The following ASIC2 variants were observed in gnomAD, a reference collection of about 807,000 sequenced individuals.
ASIC2 encodes the protein acid sensing ion channel subunit 2.
A neutral mutation model predicts 57.3 loss-of-function variants in ASIC2; 25 were observed. That is an observed-to-expected ratio of 0.44 (90% CI 0.32 to 0.61). The LOEUF is 0.61. Ranked by LOEUF, ASIC2 falls within the 20% of genes least tolerant of loss-of-function variation. The pLI, the probability that ASIC2 is intolerant of heterozygous loss-of-function variation, is 0.06. For synonymous variants in ASIC2, 319 were observed against 307.5 expected, an observed-to-expected ratio of 1.04 and a Z score of -0.39; for missense variants, 641 against 738.1, an observed-to-expected ratio of 0.87 and a Z score of 1.52.
chr17:33,250,534 G>A (rs566960632), intron 1 of ASIC2, among the ~76,000 whole-genome samples: 23 of 152,332 alleles, frequency 1.5e-4, no homozygotes, highest in Non-Finnish European at 2.8e-4. Flanking sequence ...CAGTCCTGCC[G>A]CGCTTATCCC....
chr17:33,542,539 G>A (rs1915445693), intron 1 of ASIC2, among the ~76,000 whole-genome samples: 1 of 109,078 alleles, frequency 9.2e-6, no homozygotes, highest in Middle Eastern at 3.9e-3. Context: ...CTGCATAAAT[G>A]TCTTCTTTTG....
At chr17:33,484,521 A>G (rs1473931837) in intron 1 of ASIC2, among the ~76,000 whole-genome samples, 2 of 152,252 alleles carry the variant, frequency 1.3e-5, no homozygotes, top group Non-Finnish European at 2.9e-5. Flanking sequence ...CTTCAACCCA[A>G]TATATTCAAA....
chr17:34,066,961 C>G, intron 1 of ASIC2, among the ~76,000 whole-genome samples: 1 of 152,210 alleles, frequency 6.6e-6, no homozygotes, highest in East Asian at 1.9e-4. Flanking sequence ...AACCTCAAAT[C>G]TGAGAGAACT....
chr17:33,278,248 T>A (rs1904787627), intron 1 of ASIC2, among the ~76,000 whole-genome samples: 1 of 151,852 alleles, frequency 6.6e-6, no homozygotes, highest in Non-Finnish European at 1.5e-5. Flanking sequence ...GGAAGGAGTC[T>A]TGTTCATTTA....
intron 1 of ASIC2, among the ~76,000 whole-genome samples, chr17:33,170,749 T>C (rs372478758): frequency 6.2e-4 from 95 of 152,358 alleles, no homozygotes; most frequent in African/African-American, 2.2e-3. Flanking sequence ...CATAAAAGAC[T>C]AAAGACCAGG....
At position 33,747,792 on chromosome 17, in the gene ASIC2, C is replaced by G. The variant is rs1287107510; in HGVS notation, c.555+408186G>C. Among the ~76,000 whole-genome samples the G allele has an allele frequency of 2.0e-5, 3 of 152,196 alleles. No homozygotes were observed. In the East Asian group the frequency reaches 5.8e-4, roughly 29 times the overall value. ...GGACTAAACCTCCCTCCCCTTCTTC[C>G]CCAGGTCTGCAGGGTCCTCAGGACA... On this transcript the variant is annotated intron_variant, in intron 1 of 9. Transcript: ENST00000359872.
At chr17:33,369,791 T>C (rs1272903043) in intron 1 of ASIC2, among the ~76,000 whole-genome samples, 1 of 152,222 alleles carries the variant, frequency 6.6e-6, no homozygotes, top group African/African-American at 2.4e-5. Flanking sequence ...GCATGATTAC[T>C]ATTAGTGCTG....
intron 1 of ASIC2, among the ~76,000 whole-genome samples, chr17:33,608,026 C>T (rs1377034263): frequency 6.6e-6 from 1 of 152,082 alleles, no homozygotes. Flanking sequence ...CTCCATGCAA[C>T]CTAACGGACA....
At chr17:33,327,002 A>T (rs1260735110) in intron 1 of ASIC2, among the ~76,000 whole-genome samples, 2 of 152,202 alleles carry the variant, frequency 1.3e-5, no homozygotes, top group African/African-American at 4.8e-5. Context: ...TATATAAGAA[A>T]GCCTAGACCT....
intron 1 of ASIC2, among the ~76,000 whole-genome samples, chr17:33,896,740 A>G (rs1279233026): frequency 6.6e-6 from 1 of 152,276 alleles, no homozygotes; most frequent in Non-Finnish European, 1.5e-5. Context: ...ACCTGTGTGT[A>G]GCATTTATGA....
At chr17:33,945,409 G>A (rs939635250) in intron 1 of ASIC2, among the ~76,000 whole-genome samples, 6 of 152,012 alleles carry the variant, frequency 3.9e-5, no homozygotes, top group African/African-American at 1.4e-4. Flanking sequence ...ATGGAACAAG[G>A]AGGCATAATT....
At chr17:33,420,284 T>C (rs1351066095) in intron 1 of ASIC2, among the ~76,000 whole-genome samples, 1 of 152,242 alleles carries the variant, frequency 6.6e-6, no homozygotes, top group Non-Finnish European at 1.5e-5. Context: ...GGAAATGTAC[T>C]GTCCAGATGG....
chr17:33,111,919 G>C lies in ASIC2; in HGVS notation c.857C>G (p.Thr286Arg), dbSNP rs371777452. 1.9e-5 allele frequency: 31 copies of C among 1,611,086 alleles called. No individual in the cohort carries two copies. The highest frequency in any genetic ancestry group is 2.5e-5 in the Non-Finnish European group (29 of 1,178,682). Residue 286 changes from threonine to arginine, a missense_variant and splice_region_variant, in exon 2 of 10, where the codon ACA becomes AGA. By Grantham distance (71) the Thr-to-Arg change is moderately conservative. Coordinates refer to ENST00000225823, the MANE Select transcript of ASIC2 (RefSeq NM_183377.2). ...QDEYLPIWGE[T>R]EETTFEAGVK... is the part of the protein sequence containing the mutation. ...CCCGGTCCCTGTGCCCAGCTCACCT[G>C]TCTCTCCCCAGATGGGCAGGTACTC...
At chr17:34,070,621 G>A (rs1303090104) in intron 1 of ASIC2, 1 of 152,136 alleles carries the variant, frequency 6.6e-6, no homozygotes, top group African/African-American at 2.4e-5. Context: ...ATACAAGATG[G>A]CCTCATCAGG....
intron 1 of ASIC2, among the ~76,000 whole-genome samples, chr17:34,104,819 G>A (rs1281824091): frequency 7.4e-6 from 1 of 134,376 alleles, no homozygotes; most frequent in African/African-American, 3.4e-5. Context: ...AAATTTAATT[G>A]GTTATAATAT....
intron 3 of ASIC2, among the ~76,000 whole-genome samples, chr17:33,032,641 C>T (rs1402743724): frequency 2.0e-5 from 3 of 151,830 alleles, no homozygotes; most frequent in Non-Finnish European, 2.9e-5. Context: ...TAGAGCCAGA[C>T]TTTCACCATG....
At chr17:33,646,602 C>A (rs1230807360) in intron 1 of ASIC2, among the ~76,000 whole-genome samples, 1 of 152,162 alleles carries the variant, frequency 6.6e-6, no homozygotes, top group East Asian at 1.9e-4. Context: ...ACTTCTACAC[C>A]TTAGTTTCTT....
chr17:33,121,603 C>T (rs2092302359), intron 1 of ASIC2, among the ~76,000 whole-genome samples: 1 of 152,166 alleles, frequency 6.6e-6, no homozygotes, highest in South Asian at 2.1e-4. Flanking sequence ...ATGCTTCTGG[C>T]TACCTGCTGA....
chr17:33,581,623 A>G (rs1436864233), intron 1 of ASIC2, among the ~76,000 whole-genome samples: 2 of 152,220 alleles, frequency 1.3e-5, no homozygotes, highest in Admixed American at 6.5e-5. Context: ...AGGTGGCTCA[A>G]GGGCCCAGTT....
Sources: allele counts gnomAD v4.1 joint callset (sites outside exome capture counted in the v4.1 genomes callset), GRCh38; gene constraint gnomAD v4.1.1; transcripts MANE v1.5; gene names NCBI Gene and HGNC (gene_info 2026-07-23, HGNC 2026-07-21).